TSHZ2: variants seen among roughly 807,000 people sequenced by gnomAD.
The protein encoded by TSHZ2 is teashirt zinc finger homeobox 2.
A neutral mutation model predicts 74.4 loss-of-function variants in TSHZ2; 21 were observed. That is an observed-to-expected ratio of 0.28 (90% CI 0.20 to 0.41). The LOEUF is 0.41. Among genes scored for constraint, TSHZ2 ranks in the 10% least tolerant of loss-of-function variants. The pLI, the probability that TSHZ2 is intolerant of heterozygous loss-of-function variation, is 1.00. For synonymous variants in TSHZ2, 540 were observed against 515.3 expected, an observed-to-expected ratio of 1.05 and a Z score of -0.65; for missense variants, 1,244 against 1,293.5, an observed-to-expected ratio of 0.96 and a Z score of 0.59.
intron 1 of TSHZ2, among the ~76,000 whole-genome samples, chr20:53,045,984 C>T (rs1984214536): frequency 1.3e-5 from 2 of 152,126 alleles, no homozygotes; most frequent in Admixed American, 1.3e-4. Flanking sequence ...TCTTATAAAT[C>T]AAAAGGGTCG....
intron 1 of TSHZ2, among the ~76,000 whole-genome samples, chr20:53,095,930 G>A (rs139291467): frequency 6.6e-6 from 1 of 152,144 alleles, no homozygotes; most frequent in South Asian, 2.1e-4. Flanking sequence ...CACTCCTAGG[G>A]CTGGGCTTGA....
intron 2 of TSHZ2, among the ~76,000 whole-genome samples, chr20:53,386,923 C>T (rs772674115): frequency 6.6e-6 from 1 of 151,658 alleles, no homozygotes; most frequent in Non-Finnish European, 1.5e-5. Flanking sequence ...AAGAAAATCA[C>T]ATCTGTTTCC....
intron 2 of TSHZ2, among the ~76,000 whole-genome samples, chr20:53,439,244 T>C (rs1489643184): frequency 6.6e-6 from 1 of 152,232 alleles, no homozygotes; most frequent in African/African-American, 2.4e-5. Flanking sequence ...CCAGCTCTTT[T>C]AGGGAGTATC....
intron 1 of TSHZ2, among the ~76,000 whole-genome samples, chr20:53,205,600 C>G (rs897724216): frequency 1.3e-5 from 2 of 152,090 alleles, no homozygotes; most frequent in African/African-American, 4.8e-5. Flanking sequence ...CAGGGTTAGG[C>G]CTTTACCTAC....
At chr20:53,391,255 T>A (rs1202735578) in intron 2 of TSHZ2, among the ~76,000 whole-genome samples, 1 of 152,148 alleles carries the variant, frequency 6.6e-6, no homozygotes, top group Non-Finnish European at 1.5e-5. Flanking sequence ...CACACCATTC[T>A]CCTGCCTCAG....
chr20:53,463,672 C>T (rs375179383), intron 2 of TSHZ2, among the ~76,000 whole-genome samples: 54 of 152,262 alleles, frequency 3.5e-4, no homozygotes, highest in African/African-American at 1.1e-3. Flanking sequence ...TTAAAAACCC[C>T]GGGCCCAAGT....
chr20:53,238,884 A>G (rs1304277807), intron 1 of TSHZ2, among the ~76,000 whole-genome samples: 2 of 151,480 alleles, frequency 1.3e-5, no homozygotes, highest in Non-Finnish European at 2.9e-5. Context: ...CTACTTTAAC[A>G]TCAAGGGGGA....
chr20:53,244,222 C>A (rs1441873673), intron 1 of TSHZ2, among the ~76,000 whole-genome samples: 1 of 151,916 alleles, frequency 6.6e-6, no homozygotes, highest in Non-Finnish European at 1.5e-5. Context: ...AAAAAAAAAA[C>A]CTCTCCAGTC....
At chr20:53,340,747 T>G (rs542320556) in intron 2 of TSHZ2, among the ~76,000 whole-genome samples, 1 of 152,292 alleles carries the variant, frequency 6.6e-6, no homozygotes, top group South Asian at 2.1e-4. Flanking sequence ...TCCTGTAATG[T>G]AACAGCTGTG....
In TSHZ2 at chr20:53,253,846, G is replaced by A. The variant is rs745999760; in HGVS notation, c.388G>A (p.Ala130Thr). Residue 130 changes from alanine to threonine, a missense_variant, in exon 2 of 3, where the codon GCC becomes ACC. By Grantham distance (58) the Ala-to-Thr change is moderately conservative. Transcript: ENST00000371497. ...NCMDKMTAVY[A>T]NILSDSYWSG... ...CATGGATAAAATGACCGCTGTCTAC[G>A]CCAACATCCTGTCGGATTCCTACTG... 25 of 1,614,030 alleles carry A rather than the reference G, an allele frequency of 1.5e-5. No individual in the cohort carries two copies. The highest frequency in any genetic ancestry group is 1.7e-5 in the Non-Finnish European group (20 of 1,180,028).
At chr20:53,408,616 G>C (rs1262529520) in intron 2 of TSHZ2, among the ~76,000 whole-genome samples, 3 of 148,536 alleles carry the variant, frequency 2.0e-5, no homozygotes, top group Non-Finnish European at 4.4e-5. Flanking sequence ...TTTCCTGACA[G>C]TTGGGAGGAA....
At chr20:53,081,547 C>T (rs550120767) in intron 1 of TSHZ2, among the ~76,000 whole-genome samples, 2 of 152,320 alleles carry the variant, frequency 1.3e-5, no homozygotes, top group South Asian at 2.1e-4. Context: ...ACAAGCCCCA[C>T]CCACCCATGC....
intron 1 of TSHZ2, among the ~76,000 whole-genome samples, chr20:53,166,425 C>A (rs1188869683): frequency 6.6e-6 from 1 of 151,976 alleles, no homozygotes; most frequent in Admixed American, 6.6e-5. Flanking sequence ...TGAGACCAAC[C>A]TGGGTAACAC....
At chr20:53,167,063 C>T (rs781450203) in intron 1 of TSHZ2, among the ~76,000 whole-genome samples, 4 of 152,126 alleles carry the variant, frequency 2.6e-5, no homozygotes, top group Non-Finnish European at 4.4e-5. Context: ...TGGAGGAAGA[C>T]CTTTCTACAC....
intron 1 of TSHZ2, among the ~76,000 whole-genome samples, chr20:53,112,130 G>A (rs1986551415): frequency 6.6e-6 from 1 of 152,186 alleles, no homozygotes; most frequent in Non-Finnish European, 1.5e-5. Context: ...ACAGGGACAA[G>A]GGAGGAAGAC....
At chr20:53,068,470 C>T (rs1165406455) in intron 1 of TSHZ2, among the ~76,000 whole-genome samples, 1 of 152,122 alleles carries the variant, frequency 6.6e-6, no homozygotes, top group Admixed American at 6.5e-5. Context: ...TTGTCTTCCT[C>T]TCCTTATTCC....
rs542532995 is a variant in TSHZ2, at chr20:53,349,158, C to G, written c.*8+92587C>G. On this transcript the variant is annotated intron_variant, in intron 2 of 2. Coordinates refer to ENST00000371497, the MANE Select transcript of TSHZ2 (RefSeq NM_173485.6). ...CAAGCTACTTAGGTCTCAATCCTTGCTCTACCACTAACTGGGAAAGTGTGC... is the reference window on the plus strand; with the variant it reads ...CAAGCTACTTAGGTCTCAATCCTTGGTCTACCACTAACTGGGAAAGTGTGC... Among the ~76,000 whole-genome samples the G allele has an allele frequency of 1.7e-4, 26 of 152,340 alleles. 1 individual carries two copies. The South Asian group carries it at 5.2e-3, about 30-fold the overall frequency.
intron 2 of TSHZ2, among the ~76,000 whole-genome samples, chr20:53,472,052 G>A (rs1020328648): frequency 2.6e-5 from 4 of 152,140 alleles, no homozygotes; most frequent in African/African-American, 4.8e-5. Flanking sequence ...TGATCTGCCT[G>A]CCTAGGCCTC....
intron 2 of TSHZ2, among the ~76,000 whole-genome samples, chr20:53,263,206 C>G (rs557308450): frequency 5.3e-5 from 8 of 152,160 alleles, no homozygotes; most frequent in Non-Finnish European, 1.2e-4. Context: ...ACACAGTGAT[C>G]AAGAGCTTTT....
Sources: gnomAD v4.1 joint callset for allele counts (sites outside exome capture counted in the v4.1 genomes callset) on GRCh38, gnomAD v4.1.1 for gene constraint, MANE v1.5 for transcripts, NCBI Gene and HGNC (gene_info 2026-07-23, HGNC 2026-07-21) for gene names.